Variants in CBLB observed in about 807,000 individuals in gnomAD.
CBLB encodes E3 ubiquitin-protein ligase CBL-B.
CBLB carries 31 observed loss-of-function variants against 104.9 expected under a neutral mutation model. The ratio of observed to expected loss-of-function variants is 0.30; its 90% CI spans 0.22 to 0.40. The LOEUF (loss-of-function observed/expected upper bound fraction) is 0.40, where lower values mean the gene tolerates loss of function less well. Ranked by LOEUF, CBLB falls within the 10% of genes least tolerant of loss-of-function variation. The pLI is 1.00. For missense variants in CBLB, 1,062 were observed against 1,214.6 expected, an observed-to-expected ratio of 0.87 and a Z score of 1.87; for synonymous variants, 440 against 422.6, an observed-to-expected ratio of 1.04 and a Z score of -0.51.
chr3:105,759,085 G>T (rs892380189), intron 4 of CBLB, among the ~76,000 whole-genome samples: 1 of 152,200 alleles, frequency 6.6e-6, no homozygotes, highest in African/African-American at 2.4e-5. Flanking sequence ...GGGTGGGAAG[G>T]CAGAAAGGAG....
At chr3:105,829,061 A>C (rs1039092479) in intron 3 of CBLB, among the ~76,000 whole-genome samples, 1 of 152,158 alleles carries the variant, frequency 6.6e-6, no homozygotes, top group Non-Finnish European at 1.5e-5. Flanking sequence ...CAAAAAAAAA[A>C]AAATTCATTA....
chr3:105,759,518 T>C (rs2077406215), intron 4 of CBLB, among the ~76,000 whole-genome samples: 1 of 152,162 alleles, frequency 6.6e-6, no homozygotes, highest in African/African-American at 2.4e-5. Flanking sequence ...CATGCGGAGC[T>C]ACCCTCAGCC....
intron 4 of CBLB, among the ~76,000 whole-genome samples, chr3:105,757,396 T>C (rs890688655): frequency 4.6e-5 from 7 of 152,228 alleles, no homozygotes; most frequent in African/African-American, 1.7e-4. Context: ...TTCAACTATG[T>C]ATGATTTATG....
At position 105,662,866 on chromosome 3, in the gene CBLB, G is replaced by A. The variant is rs186109574; in HGVS notation, c.2690-3637C>T. 1.1e-4 allele frequency among the ~76,000 whole-genome samples: 17 copies of A among 152,252 alleles called. No individual in the cohort carries two copies. In the East Asian group the frequency reaches 1.7e-3, roughly 16 times the overall value. ...TATAAAAGAAGAGAGTGATGTGGCC[G>A]ACCGCCACTGCTACTACTTGAGACC... is the stretch of plus-strand genomic sequence containing the variant. On this transcript the variant is annotated intron_variant, in intron 18 of 18. Coordinates refer to ENST00000394030, the MANE Select transcript of CBLB (RefSeq NM_170662.5).
chr3:105,775,449 C>A (rs995373679), intron 4 of CBLB, among the ~76,000 whole-genome samples: 1 of 152,092 alleles, frequency 6.6e-6, no homozygotes, highest in Non-Finnish European at 1.5e-5. Context: ...TGTATACTAA[C>A]AATTTTTATG....
intron 5 of CBLB, among the ~76,000 whole-genome samples, chr3:105,750,254 T>C (rs1483675896): frequency 6.6e-6 from 1 of 152,096 alleles, no homozygotes; most frequent in Non-Finnish European, 1.5e-5. Context: ...TTAATCTCTC[T>C]TCTAATAATG....
At chr3:105,848,958 T>C (rs1251598562) in intron 3 of CBLB, among the ~76,000 whole-genome samples, 1 of 152,162 alleles carries the variant, frequency 6.6e-6, no homozygotes, top group East Asian at 1.9e-4. Flanking sequence ...GGGAGACTTT[T>C]AGGTTCTGAT....
At chr3:105,765,999 T>C (rs1299876294) in intron 4 of CBLB, among the ~76,000 whole-genome samples, 1 of 152,206 alleles carries the variant, frequency 6.6e-6, no homozygotes, top group Non-Finnish European at 1.5e-5. Flanking sequence ...ACCTTTCTAA[T>C]GCCACTAAGA....
In CBLB at chr3:105,658,507, T is replaced by A. The variant is rs1419612633; in HGVS notation, c.*463A>T. On this transcript the variant is annotated 3_prime_UTR_variant, in exon 19 of 19. Transcript: ENST00000394030. ...GGCATGGGGATGGTAGAGATCCATATGAATAAATGATTTAGCTGTTGATGT... is the reference window on the plus strand; with the variant it reads ...GGCATGGGGATGGTAGAGATCCATAAGAATAAATGATTTAGCTGTTGATGT... 4.1e-6 allele frequency: 1 copy of A among 242,290 alleles called. No individual in the cohort carries two copies. Among genetic ancestry groups the A allele is most frequent in the Non-Finnish European group, 8.2e-6 (1 of 122,498 alleles). 15.0% of individuals were successfully genotyped at this position (242,290 alleles called of 1,614,324 possible).
In CBLB at chr3:105,751,625, A is replaced by G. The variant is rs776827372; in HGVS notation, c.567-7T>C. ...TTTCCATGGTACGATAGTTCTGTGC[A>G]AGGTGGAAAAAAAGGGAAATAATTG... On this transcript the variant is annotated splice_region_variant and splice_polypyrimidine_tract_variant and intron_variant, in intron 4 of 18. Coordinates refer to ENST00000394030, the MANE Select transcript of CBLB (RefSeq NM_170662.5). The G allele has an allele frequency of 6.2e-7, 1 of 1,612,168 alleles. No individual in the cohort carries two copies. Among genetic ancestry groups the G allele is most frequent in the Admixed American group, 1.7e-5 (1 of 59,966 alleles).
intron 5 of CBLB, among the ~76,000 whole-genome samples, 175 bp downstream of exon 5, chr3:105,751,287 T>A (rs1466513196): frequency 6.6e-6 from 1 of 152,164 alleles, no homozygotes; most frequent in Non-Finnish European, 1.5e-5. Context: ...CACTCTAAAC[T>A]TTTAACAATG....
At chr3:105,770,983 G>C (rs938889097) in intron 4 of CBLB, among the ~76,000 whole-genome samples, 5 of 152,130 alleles carry the variant, frequency 3.3e-5, no homozygotes, top group African/African-American at 1.2e-4. Context: ...AGACAAATTG[G>C]TACTAATCCT....
chr3:105,818,234 C>G (rs1469319522), intron 3 of CBLB, among the ~76,000 whole-genome samples: 1 of 152,038 alleles, frequency 6.6e-6, no homozygotes, highest in African/African-American at 2.4e-5. Flanking sequence ...AAAATCGAAT[C>G]CTAGACTTAA....
chr3:105,833,522 A>T (rs1273706352), intron 3 of CBLB, among the ~76,000 whole-genome samples: 1 of 152,150 alleles, frequency 6.6e-6, no homozygotes, highest in Non-Finnish European at 1.5e-5. Context: ...ACACTCAGCA[A>T]GATATTTTCT....
intron 1 of CBLB, chr3:105,868,398 G>A (rs1706481481): frequency 2.4e-6 from 1 of 409,234 alleles, no homozygotes; most frequent in Non-Finnish European, 4.2e-6. Context: ...CTGAGCTGCA[G>A]GAGGAAGGTG....
At chr3:105,744,084 T>C (rs1156334144) in intron 6 of CBLB, among the ~76,000 whole-genome samples, 1 of 152,188 alleles carries the variant, frequency 6.6e-6, no homozygotes, top group East Asian at 1.9e-4. Flanking sequence ...CAGAGGGCAG[T>C]AGTTTTTTAC....
chr3:105,661,736 C>T (rs145684427), intron 18 of CBLB, among the ~76,000 whole-genome samples: 5 of 152,204 alleles, frequency 3.3e-5, no homozygotes, highest in South Asian at 2.1e-4. Flanking sequence ...TCAGTTTGGC[C>T]GCTAAGATCT....
In CBLB at chr3:105,867,446, C is replaced by G; in HGVS notation, c.132G>C (p.Arg44Ser). Residue 44 changes from arginine (R) to serine (S), a missense_variant, in exon 2 of 19, where the codon AGG becomes AGC. Arg to Ser is a moderately radical substitution (Grantham distance 110, BLOSUM62 -1). Coordinates refer to ENST00000394030, the MANE Select transcript of CBLB (RefSeq NM_170662.5). ...GPPKQAAADRRTVEKTWKLMD... is the reference protein window; with the variant it reads ...GPPKQAAADRSTVEKTWKLMD... Reference sequence around the variant, plus strand: ...TGAGCTTCCAAGTCTTCTCCACGGTCCTGCGATCTGCGGCAGCTTGCTTAG... The same window carrying G: ...TGAGCTTCCAAGTCTTCTCCACGGTGCTGCGATCTGCGGCAGCTTGCTTAG... The G allele has an allele frequency of 1.2e-6, 2 of 1,614,196 alleles. No homozygotes were observed. The highest frequency in any genetic ancestry group is 2.2e-5 in the South Asian group (2 of 91,082).
intron 4 of CBLB, among the ~76,000 whole-genome samples, chr3:105,766,286 G>T (rs1296127278): frequency 6.6e-6 from 1 of 152,158 alleles, no homozygotes; most frequent in Non-Finnish European, 1.5e-5. Flanking sequence ...AGGTGAAGAT[G>T]CTGTGAACAC....
Sources: gnomAD v4.1 joint callset for allele counts (sites outside exome capture counted in the v4.1 genomes callset) on GRCh38, gnomAD v4.1.1 for gene constraint, MANE v1.5 for transcripts, NCBI Gene and HGNC (gene_info 2026-07-23, HGNC 2026-07-21) for gene names.